HPSE2: variants seen among roughly 807,000 people sequenced by gnomAD.
HPSE2 encodes inactive heparanase-2.
A neutral mutation model predicts 60.5 loss-of-function variants in HPSE2; 38 were observed. That is an observed-to-expected ratio of 0.63 (90% CI 0.48 to 0.82). The LOEUF (loss-of-function observed/expected upper bound fraction) is 0.82. Among genes scored for constraint, HPSE2 ranks in the 40% least tolerant of loss-of-function variants. The pLI is 0.00. For synonymous variants in HPSE2, 295 were observed against 293.2 expected (o/e 1.01, Z -0.06); for missense variants, 713 against 740.4 (o/e 0.96, Z 0.43).
intron 9 of HPSE2, among the ~76,000 whole-genome samples, chr10:98,561,447 A>G (rs2485027): frequency 0.85 from 129,299 of 152,170 alleles, 56,201 homozygotes; most frequent in East Asian, 1. Context: ...ATTTTGTACA[A>G]CTGTTAGGCT....
intron 3 of HPSE2, among the ~76,000 whole-genome samples, chr10:98,965,438 T>A (rs1308743906): frequency 2.0e-5 from 3 of 148,174 alleles, no homozygotes; most frequent in South Asian, 2.1e-4. Context: ...ACAAATTAAG[T>A]AAAAAAAAAA....
intron 3 of HPSE2, among the ~76,000 whole-genome samples, chr10:98,918,542 A>G (rs998313480): frequency 6.6e-6 from 1 of 150,680 alleles, no homozygotes; most frequent in African/African-American, 2.4e-5. Flanking sequence ...ACATGGATGA[A>G]ATTGGAAATC....
chr10:98,526,804 A>G (rs1942980380), intron 9 of HPSE2, among the ~76,000 whole-genome samples: 1 of 152,184 alleles, frequency 6.6e-6, no homozygotes, highest in South Asian at 2.1e-4. Flanking sequence ...ACCAGGGCTC[A>G]CTGGGGTTGA....
At chr10:99,255,015 T>C in the HPSE2 span, among the ~76,000 whole-genome samples, 2 of 152,206 alleles carry the variant, frequency 1.3e-5, no homozygotes, top group African/African-American at 4.8e-5. Context: ...AATCCATGAA[T>C]ATACTACAAA....
chr10:99,048,036 T>C (rs540526420), intron 3 of HPSE2: 319 of 688,978 alleles, frequency 4.6e-4, no homozygotes, highest in Non-Finnish European at 7.3e-4. Context: ...ATTAATATGC[T>C]GTGGACTATA....
intron 5 of HPSE2, among the ~76,000 whole-genome samples, chr10:98,715,974 T>C (rs955202616): frequency 2.0e-5 from 3 of 152,070 alleles, no homozygotes; most frequent in African/African-American, 7.2e-5. Context: ...ATACCCACAG[T>C]AGAAACTCTT....
At chr10:99,109,127 C>T (rs1344067395) in intron 3 of HPSE2, among the ~76,000 whole-genome samples, 2 of 152,120 alleles carry the variant, frequency 1.3e-5, no homozygotes, top group African/African-American at 4.8e-5. Flanking sequence ...ATATACAAAT[C>T]AAGTCTTTAA....
chr10:98,666,101 A>C (rs1372770002), intron 6 of HPSE2, among the ~76,000 whole-genome samples: 1 of 152,216 alleles, frequency 6.6e-6, no homozygotes, highest in African/African-American at 2.4e-5. Context: ...TCTAACATGC[A>C]AACAGAAAGC....
chr10:99,186,431 T>C (rs1178179562), intron 2 of HPSE2, among the ~76,000 whole-genome samples: 1 of 149,812 alleles, frequency 6.7e-6, no homozygotes, highest in Admixed American at 6.7e-5. Context: ...TAGTCCGAGC[T>C]ACTCAGGAGG....
rs1845407026 is a variant in HPSE2, at chr10:99,132,096, CA to C, written c.610+12141del. On this transcript the variant is annotated intron_variant, in intron 3 of 11. Coordinates refer to ENST00000370552, the MANE Select transcript of HPSE2 (RefSeq NM_021828.5). ...CATTGCACTCCAGCCTGGGCAACAACAGGGAAATTCCGTCTTAAAAAAGAAA... is the reference window on the plus strand; with the variant it reads ...CATTGCACTCCAGCCTGGGCAACAACGGGAAATTCCGTCTTAAAAAAGAAA... Among the ~76,000 whole-genome samples the C allele has an allele frequency of 4.1e-5, 6 of 146,552 alleles. No individual in the cohort carries two copies. In the South Asian group the frequency reaches 1.3e-3, roughly 32 times the overall value.
At chr10:98,598,697 C>T (rs1945314621) in intron 9 of HPSE2, among the ~76,000 whole-genome samples, 1 of 151,990 alleles carries the variant, frequency 6.6e-6, no homozygotes, top group Non-Finnish European at 1.5e-5. Context: ...GTCCTAGGCC[C>T]ACAGGGGCTG....
At chr10:98,796,765 G>C (rs1403524278) in intron 3 of HPSE2, among the ~76,000 whole-genome samples, 1 of 152,202 alleles carries the variant, frequency 6.6e-6, no homozygotes, top group Non-Finnish European at 1.5e-5. Context: ...TGCAGTCCCA[G>C]TGGTAGTGAC....
chr10:98,616,842 T>A (rs1038507634), intron 8 of HPSE2, among the ~76,000 whole-genome samples: 2 of 152,184 alleles, frequency 1.3e-5, no homozygotes, highest in Middle Eastern at 3.2e-3. Context: ...GCCTTCATAA[T>A]TTTTATTAAT....
intron 2 of HPSE2, among the ~76,000 whole-genome samples, chr10:99,214,715 A>G (rs1041794066): frequency 6.6e-6 from 1 of 152,162 alleles, no homozygotes; most frequent in Non-Finnish European, 1.5e-5. Flanking sequence ...TCTAATATCC[A>G]GAATCTACAA....
intron 3 of HPSE2, among the ~76,000 whole-genome samples, chr10:99,081,567 T>A (rs1463193507): frequency 6.8e-6 from 1 of 147,088 alleles, no homozygotes; most frequent in Non-Finnish European, 1.5e-5. Flanking sequence ...AGAGTGCTAT[T>A]CTACTACTAC....
At chr10:99,201,889 G>C (rs1018374397) in intron 2 of HPSE2, among the ~76,000 whole-genome samples, 4 of 151,904 alleles carry the variant, frequency 2.6e-5, no homozygotes, top group African/African-American at 9.7e-5. Context: ...AAAATGGCCA[G>C]AAGATGAACA....
At chr10:98,572,944 G>A (rs1011572584) in intron 9 of HPSE2, among the ~76,000 whole-genome samples, 1 of 152,182 alleles carries the variant, frequency 6.6e-6, no homozygotes, top group African/African-American at 2.4e-5. Context: ...GGATGAGACA[G>A]GGATTAATCG....
At chr10:98,646,922 T>A (rs1946785090) in intron 6 of HPSE2, among the ~76,000 whole-genome samples, 1 of 152,210 alleles carries the variant, frequency 6.6e-6, no homozygotes, top group Non-Finnish European at 1.5e-5. Flanking sequence ...TGCTGCATAC[T>A]CTTCCAGTTT....
chr10:99,181,621 C>T (rs1209702023), intron 2 of HPSE2, among the ~76,000 whole-genome samples: 2 of 152,098 alleles, frequency 1.3e-5, no homozygotes, highest in African/African-American at 4.8e-5. Flanking sequence ...TCAGCAAACA[C>T]ACACAGGAAC....
Sources: gnomAD v4.1 joint callset for allele counts (sites outside exome capture counted in the v4.1 genomes callset) on GRCh38, gnomAD v4.1.1 for gene constraint, MANE v1.5 for transcripts, NCBI Gene and HGNC (gene_info 2026-07-23, HGNC 2026-07-21) for gene names.